SOX30: variants seen among roughly 807,000 people sequenced by gnomAD.
The protein encoded by SOX30 is transcription factor SOX-30.
In SOX30, 17 loss-of-function variants were observed where a neutral mutation model predicts 58.6. That is an observed-to-expected ratio of 0.29 (90% confidence interval 0.20 to 0.44). The LOEUF is 0.44. Among genes scored for constraint, SOX30 ranks in the 20% least tolerant of loss-of-function variants. SOX30 has a pLI of 1.00. For missense variants in SOX30, 951 were observed against 965.8 expected, an observed-to-expected ratio of 0.98 and a Z score of 0.20; for synonymous variants, 421 against 400.2, an observed-to-expected ratio of 1.05 and a Z score of -0.62.
chr5:157,651,520 C>G lies in SOX30; in HGVS notation c.559G>C (p.Glu187Gln), dbSNP rs1759339605. ...YFRGDEKGKL[E>Q]AEEVMRDSMQ... ...GAGTCTCTCATGACCTCCTCCGCCT[C>G]CAGCTTGCCCTTCTCGTCCCCTCGG... The change falls in exon 1 of 5, where the codon GAG becomes CAG. Residue 187 changes from glutamate (E) to glutamine (Q), a missense_variant. Around this residue, in one of 7 missense-constraint regions of SOX30, gnomAD observed 363 missense variants for 294.5 expected, o/e 1.23. Coordinates refer to ENST00000265007, the MANE Select transcript of SOX30 (RefSeq NM_178424.2). 1 of 1,613,320 alleles carries G rather than the reference C, an allele frequency of 6.2e-7. No individual in the cohort carries two copies. Among genetic ancestry groups the G allele is most frequent in the East Asian group, 2.2e-5 (1 of 44,886 alleles).
chr5:157,626,253 G>C lies in SOX30; in HGVS notation c.*87C>G. ...ATCACGACTGAAAACTTTCAACAAA[G>C]AATTCTAGGCTTTTTTTTTTCTCAT... On this transcript the variant is annotated 3_prime_UTR_variant, in exon 5 of 5. Coordinates refer to ENST00000265007, the MANE Select transcript of SOX30 (RefSeq NM_178424.2). The C allele has an allele frequency of 8.0e-7, 1 of 1,246,740 alleles. No homozygotes were observed. 77.2% of individuals were successfully genotyped at this position (1,246,740 alleles called of 1,614,324 possible).
intron 1 of SOX30, chr5:157,671,186 A>C (rs1291075031): frequency 2.4e-5 from 4 of 166,586 alleles, no homozygotes; most frequent in Non-Finnish European, 3.9e-5. Context: ...TCGTCGCAGA[A>C]AGGAATCGCC....
intron 2 of SOX30, among the ~76,000 whole-genome samples, chr5:157,666,521 AC>A (rs1759676670): frequency 7.1e-6 from 1 of 139,948 alleles, no homozygotes; most frequent in Non-Finnish European, 1.5e-5. Flanking sequence ...ACACACACAC[AC>A]ACACACCTCA....
chr5:157,642,413 G>T (rs1167803802), intron 3 of SOX30, among the ~76,000 whole-genome samples: 1 of 151,734 alleles, frequency 6.6e-6, no homozygotes, highest in East Asian at 1.9e-4. Flanking sequence ...TTATGCGGTA[G>T]TAATCACAAC....
Position 157,660,886 on chromosome 5 carries a change from C to G in SOX30, c.52+6912G>C, listed in dbSNP as rs759251657. Among the ~76,000 whole-genome samples the G allele has an allele frequency of 9.6e-4, 146 of 152,238 alleles. 1 individual carries two copies. The highest frequency in any genetic ancestry group is 1.7e-3 in the Non-Finnish European group (118 of 68,026). The stretch of plus-strand genomic sequence containing the variant: ...TAGAAATTATATTGAATCTATGGAT[C>G]AATTTTGGGAAAACTGACACCTTGA... On this transcript the variant is annotated intron_variant, in intron 2 of 5. Transcript: ENST00000519442.
intron 4 of SOX30, among the ~76,000 whole-genome samples, chr5:157,633,444 G>A (rs1242940947): frequency 6.6e-6 from 1 of 152,330 alleles, no homozygotes; most frequent in African/African-American, 2.4e-5. Flanking sequence ...CACATGGTGA[G>A]TTCCTTGCTG....
chr5:157,650,557 T>G (rs1328327307), intron 1 of SOX30, among the ~76,000 whole-genome samples: 3 of 152,210 alleles, frequency 2.0e-5, no homozygotes, highest in South Asian at 4.1e-4. Flanking sequence ...CTGTATTCTT[T>G]TCAATATTTC....
chr5:157,646,951 G>A (rs1277120326), intron 2 of SOX30, 135 bp from the exon 3 acceptor site: 2 of 664,272 alleles, frequency 3.0e-6, no homozygotes, highest in African/African-American at 3.7e-5. Context: ...CCAGCTCCGG[G>A]ATATTATTTC....
chr5:157,638,513 T>C lies in SOX30; in HGVS notation c.1597A>G (p.Lys533Glu). The C allele has an allele frequency of 1.2e-6, 2 of 1,614,214 alleles. No homozygotes were observed. The highest frequency in any genetic ancestry group is 1.7e-6 in the Non-Finnish European group (2 of 1,180,040). The stretch of plus-strand genomic sequence containing the variant: ...TCTAGAGAGACAGGAGTGGGTTGCT[T>C]CACAGTGTGAGTGGCTTCAGAATGC... ...QLHSEATHTV[K>E]QPTPVSLESA... The change falls in exon 4 of 5, where the codon AAG becomes GAG. Residue 533 changes from lysine (K) to glutamate (E), a missense_variant. Physicochemically the swap from Lys to Glu is moderately conservative, Grantham distance 56 (BLOSUM62 1). Around this residue, in one of 7 missense-constraint regions of SOX30, gnomAD observed 381 missense variants for 390.0 expected, o/e 0.98. Coordinates refer to ENST00000265007, the MANE Select transcript of SOX30 (RefSeq NM_178424.2).
chr5:157,648,907 A>C lies in SOX30; in HGVS notation c.968-11T>G. The C allele has an allele frequency of 6.3e-7, 1 of 1,575,436 alleles. No individual in the cohort carries two copies. Among genetic ancestry groups the C allele is most frequent in the East Asian group, 2.3e-5 (1 of 44,126 alleles). ...GAGTATCTGGTATGCCTACATGACA[A>C]AAATTAAAAGGCTAAATTAATGTGC... On this transcript the variant is annotated splice_polypyrimidine_tract_variant and intron_variant, in intron 1 of 4. Transcript: ENST00000265007.
At position 157,660,427 on chromosome 5, in the gene SOX30, TATAAAATAAA is replaced by T. The variant is rs199898416; in HGVS notation, c.52+7361_52+7370del. On this transcript the variant is annotated intron_variant, in intron 2 of 5. Transcript: ENST00000519442. ...ACAGAGTGAGACTCTGTCTCAAAAA[TATAAAATAAA>T]ATAAAATAAAATAAAGTAAAGTAAA... Among the ~76,000 whole-genome samples, 1,200 of 149,236 alleles carry T rather than the reference TATAAAATAAA, an allele frequency of 8.0e-3. 10 individuals carry two copies. Among genetic ancestry groups the T allele is most frequent in the Non-Finnish European group, 0.013 (892 of 66,914 alleles).
intron 4 of SOX30, among the ~76,000 whole-genome samples, chr5:157,633,333 C>T (rs998152259): frequency 1.3e-5 from 2 of 152,278 alleles, no homozygotes; most frequent in South Asian, 2.1e-4. Flanking sequence ...GACAGCACAT[C>T]GAGCTTAAAA....
At chr5:157,634,333 C>T (rs1758876392) in intron 4 of SOX30, among the ~76,000 whole-genome samples, 2 of 152,240 alleles carry the variant, frequency 1.3e-5, no homozygotes, top group South Asian at 4.1e-4. Flanking sequence ...CCCACCTTAG[C>T]TTCCTGAGTA....
chr5:157,652,001 G>A lies in SOX30; in HGVS notation c.78C>T (p.Gly26=). The A allele has an allele frequency of 7.0e-7, 1 of 1,431,708 alleles. No homozygotes were observed. The highest frequency in any genetic ancestry group is 9.1e-7 in the Non-Finnish European group (1 of 1,100,944). 88.7% of individuals were successfully genotyped at this position (1,431,708 alleles called of 1,614,324 possible). A position where few individuals can be genotyped will look rare whatever the true frequency, so the allele number is the denominator to read the frequency against. ...RPAPPPLPVE[G]TSFWAAAMEP... ...CCATGGCTGCTGCCCAAAAGGAGGT[G>A]CCCTCGACCGGCAGCGGGGGCGGAG... is the stretch of plus-strand genomic sequence containing the variant. Residue 26 remains glycine (G), a synonymous_variant, in exon 1 of 5, where the codon GGC becomes GGT. Transcript: ENST00000265007.
intron 1 of SOX30, among the ~76,000 whole-genome samples, chr5:157,669,486 T>TTTTTATTTA (rs368001314): frequency 7.3e-6 from 1 of 136,648 alleles, no homozygotes; most frequent in African/African-American, 2.8e-5. Flanking sequence ...CGCCCATCAA[T>TTTTTATTTA]TTTATTTATT....
At position 157,652,028 on chromosome 5, in the gene SOX30, G is replaced by A. The variant is rs1401351487; in HGVS notation, c.51C>T (p.Pro17=). 1 of 1,426,192 alleles carries A rather than the reference G, an allele frequency of 7.0e-7. No homozygotes were observed. The highest frequency in any genetic ancestry group is 1.5e-5 in the South Asian group (1 of 66,168). 88.3% of individuals were successfully genotyped at this position (1,426,192 alleles called of 1,614,324 possible). A position where few individuals can be genotyped will look rare whatever the true frequency, so the allele number is the denominator to read the frequency against. ...EPPPQPRPLR[P]APPPLPVEGT... ...CCTCGACCGGCAGCGGGGGCGGAGC[G>A]GGACGCAACGGGCGCGGCTGAGGCG... is the stretch of plus-strand genomic sequence containing the variant. The change falls in exon 1 of 5, where the codon CCC becomes CCT. Residue 17 remains proline, a synonymous_variant. Transcript: ENST00000265007.
intron 1 of SOX30, chr5:157,668,002 G>A: frequency 1.2e-6 from 1 of 859,094 alleles, no homozygotes; most frequent in Non-Finnish European, 1.8e-6. Context: ...AGAGGTGGAG[G>A]AACTTAATGT....
Position 157,638,348 on chromosome 5 carries a change from G to A in SOX30, c.1762C>T (p.His588Tyr). The change falls in exon 4 of 5, where the codon CAC (histidine) becomes TAC (tyrosine). Residue 588 changes from histidine (H) to tyrosine (Y), a missense_variant. His to Tyr is a moderately conservative substitution (Grantham distance 83, BLOSUM62 2). This residue lies in a region of SOX30 where 381 missense variants were observed against 390.0 expected (regional missense o/e 0.98). Coordinates refer to ENST00000265007, the MANE Select transcript of SOX30 (RefSeq NM_178424.2). ...APIPQASPIPHPHVYQPPPLG... is the reference protein window; with the variant it reads ...APIPQASPIPYPHVYQPPPLG... ...GGAGGGGGCTGGTAGACATGTGGGT[G>A]TGGAATGGGAGAAGCCTGGGGGATT... 6.2e-7 allele frequency: 1 copy of A among 1,613,604 alleles called. No homozygotes were observed. The highest frequency in any genetic ancestry group is 8.5e-7 in the Non-Finnish European group (1 of 1,179,682).
At chr5:157,666,662 C>T (rs1208771659) in intron 2 of SOX30, among the ~76,000 whole-genome samples, 3 of 152,106 alleles carry the variant, frequency 2.0e-5, no homozygotes, top group Non-Finnish European at 4.4e-5. Context: ...TGAATCCTCC[C>T]AACAGCAGAA....
Sources: allele counts gnomAD v4.1 joint callset (sites outside exome capture counted in the v4.1 genomes callset), GRCh38; gene constraint gnomAD v4.1.1; regional missense constraint gnomAD v4.1.1; transcripts MANE v1.5; gene names NCBI Gene and HGNC (gene_info 2026-07-23, HGNC 2026-07-21).